Variants in ELAPOR2 observed in about 807,000 individuals in gnomAD.
ELAPOR2 encodes endosome-lysosome associated apoptosis and autophagy regulator family member 2, also known as endosome/lysosome-associated apoptosis and autophagy regulator family member 2.
ELAPOR2 carries 89 observed loss-of-function variants against 120.7 expected under a neutral mutation model. The ratio of observed to expected loss-of-function variants is 0.74; its 90% CI spans 0.62 to 0.88. The LOEUF (loss-of-function observed/expected upper bound fraction) is 0.88, where lower values mean the gene tolerates loss of function less well. Ranked by LOEUF, ELAPOR2 falls within the 40% of genes least tolerant of loss-of-function variation. The pLI is 0.00. For synonymous variants in ELAPOR2, 444 were observed against 444.9 expected (o/e 1.00, Z 0.03); for missense variants, 1,134 against 1,251.6 (o/e 0.91, Z 1.42).
chr7:87,035,047 C>G (rs1449595331), intron 1 of ELAPOR2, among the ~76,000 whole-genome samples: 1 of 149,520 alleles, frequency 6.7e-6, no homozygotes, highest in Admixed American at 6.7e-5. Flanking sequence ...GATAGCACCA[C>G]TACACTCCAG....
chr7:86,885,478 C>T lies in ELAPOR2; in HGVS notation c.3031-4948G>A, dbSNP rs535372231. ...AACATCTTGTCTACTGTCAAAGATT[C>T]TCTCTCTCTTCAGTCTTAATGCCTC... On this transcript the variant is annotated intron_variant, in intron 21 of 21. Coordinates refer to ENST00000450689, the MANE Select transcript of ELAPOR2 (RefSeq NM_001142749.3). Among the ~76,000 whole-genome samples the T allele has an allele frequency of 2.0e-5, 3 of 152,216 alleles. No homozygotes were observed. In the South Asian group the frequency reaches 6.2e-4, roughly 32 times the overall value.
chr7:86,961,337 G>A (rs1427824848), intron 2 of ELAPOR2, among the ~76,000 whole-genome samples: 1 of 152,190 alleles, frequency 6.6e-6, no homozygotes, highest in Non-Finnish European at 1.5e-5. Flanking sequence ...GGTTGTACCT[G>A]AAGTTATGGA....
rs1340860871 is a variant in ELAPOR2, at chr7:87,034,076, AC to A, written c.189+25248del. ...ATGTCATATTTTTAAATGCCAAAAA[AC>A]ATTACCAAACTATATGTACATAATA... On this transcript the variant is annotated intron_variant, in intron 1 of 21. Coordinates refer to ENST00000450689, the MANE Select transcript of ELAPOR2 (RefSeq NM_001142749.3). Among the ~76,000 whole-genome samples the A allele has an allele frequency of 2.6e-5, 4 of 152,314 alleles. No individual in the cohort carries two copies. In the East Asian group the frequency reaches 7.7e-4, roughly 29 times the overall value.
intron 1 of ELAPOR2, among the ~76,000 whole-genome samples, chr7:87,030,875 G>A (rs968233863): frequency 2.0e-5 from 3 of 152,176 alleles, no homozygotes; most frequent in Admixed American, 6.6e-5. Flanking sequence ...TAAAGAAAAA[G>A]AGGTTTAATG....
intron 1 of ELAPOR2, among the ~76,000 whole-genome samples, chr7:87,032,783 T>G (rs1235687885): frequency 1.3e-5 from 2 of 152,126 alleles, no homozygotes; most frequent in Non-Finnish European, 2.9e-5. Flanking sequence ...AGGAAGTTTC[T>G]CAGACAACAG....
At chr7:86,880,575 G>C (rs201634839) in intron 21 of ELAPOR2, 45 bp from the exon 22 acceptor site, 1 of 1,273,716 alleles carries the variant, frequency 7.9e-7, no homozygotes, top group Non-Finnish European at 1.1e-6. Flanking sequence ...TGAAATTCTC[G>C]TAAGATTTTA....
chr7:86,912,297 T>C (rs772660047), intron 14 of ELAPOR2, 52 bp from the exon 15 acceptor site: 2 of 1,234,934 alleles, frequency 1.6e-6, no homozygotes, highest in East Asian at 2.4e-5. Flanking sequence ...TATTAGCTGC[T>C]ACTAAAATGT....
chr7:87,059,505 G>T lies in ELAPOR2; in HGVS notation c.9C>A (p.Phe3Leu). ML[F>L]RARGPVRGRG... ...TGCCCCGTACCGGCCCCCGGGCGCG[G>T]AACAGCATCTTCGTCCGGCCGCGGT... The change falls in exon 1 of 22, where the codon TTC (phenylalanine) becomes TTA (leucine). Residue 3 changes from phenylalanine to leucine, a missense_variant. Coordinates refer to ENST00000450689, the MANE Select transcript of ELAPOR2 (RefSeq NM_001142749.3). The T allele has an allele frequency of 1.7e-6, 2 of 1,200,612 alleles. No homozygotes were observed. Among genetic ancestry groups the T allele is most frequent in the South Asian group, 4.2e-5 (1 of 24,066 alleles). The allele number at this position is 1,200,612 out of a possible 1,614,324, so 74.4% of individuals were successfully genotyped here. A position where few individuals can be genotyped will look rare whatever the true frequency, so the allele number is the denominator to read the frequency against.
At chr7:86,936,041 C>A (rs1790548039) in intron 8 of ELAPOR2, among the ~76,000 whole-genome samples, 1 of 151,956 alleles carries the variant, frequency 6.6e-6, no homozygotes, top group African/African-American at 2.4e-5. Context: ...GCCTCAATAG[C>A]TGATTTCCTT....
chr7:86,907,631 T>A, intron 18 of ELAPOR2, 39 bp downstream of exon 18: 1 of 1,283,622 alleles, frequency 7.8e-7, no homozygotes, highest in Non-Finnish European at 1.1e-6. Flanking sequence ...GAGTTTTTCT[T>A]CCTCATGGTA....
chr7:86,956,974 G>C (rs1314571241), intron 2 of ELAPOR2, among the ~76,000 whole-genome samples: 2 of 152,138 alleles, frequency 1.3e-5, no homozygotes, highest in African/African-American at 4.8e-5. Context: ...TCTACTTCTT[G>C]ATAGTCTCTG....
At chr7:86,946,191 G>A (rs890155584) in intron 3 of ELAPOR2, among the ~76,000 whole-genome samples, 4 of 111,820 alleles carry the variant, frequency 3.6e-5, no homozygotes, top group Admixed American at 8.1e-5. Flanking sequence ...ACACACACAC[G>A]TGTGCATACA....
At chr7:87,048,886 T>C (rs548591338) in intron 1 of ELAPOR2, among the ~76,000 whole-genome samples, 29 of 152,368 alleles carry the variant, frequency 1.9e-4, no homozygotes, top group African/African-American at 6.7e-4. Flanking sequence ...GTTTATGTCC[T>C]TCAATCTAAC....
At chr7:86,939,506 AATACTCCTAATTGAG>A (rs1242265550) in intron 6 of ELAPOR2, among the ~76,000 whole-genome samples, 1 of 152,092 alleles carries the variant, frequency 6.6e-6, no homozygotes, top group Admixed American at 6.6e-5. Flanking sequence ...TTTAATGAAA[AATACTCCTAATTGAG>A]AATGAACCAT....
chr7:86,996,389 G>A (rs965796565), intron 1 of ELAPOR2, among the ~76,000 whole-genome samples: 2 of 152,228 alleles, frequency 1.3e-5, no homozygotes, highest in Admixed American at 6.5e-5. Context: ...GAGCATTCCC[G>A]GCAGAGGGGG....
chr7:86,988,727 CCT>C (rs1792842428), intron 1 of ELAPOR2, among the ~76,000 whole-genome samples: 1 of 152,186 alleles, frequency 6.6e-6, no homozygotes, highest in South Asian at 2.1e-4. Context: ...GATATGTTTA[CCT>C]TGAGTGTGCC....
chr7:86,946,216 G>A (rs1477487846), intron 3 of ELAPOR2, among the ~76,000 whole-genome samples: 2 of 148,724 alleles, frequency 1.3e-5, no homozygotes, highest in Admixed American at 6.7e-5. Flanking sequence ...AAAGCCTAGG[G>A]CTAGAACAAA....
chr7:86,946,159 TCACACACA>T (rs3223108), intron 3 of ELAPOR2, among the ~76,000 whole-genome samples: 25 of 146,288 alleles, frequency 1.7e-4, no homozygotes, highest in Admixed American at 5.5e-4. Context: ...ATACCATTTC[TCACACACA>T]CACACACACA....
chr7:86,924,190 C>T (rs1789954032), intron 10 of ELAPOR2, among the ~76,000 whole-genome samples: 1 of 152,050 alleles, frequency 6.6e-6, no homozygotes, highest in South Asian at 2.1e-4. Context: ...CACACTAATA[C>T]TGCAGAGATT....
Sources: allele counts gnomAD v4.1 joint callset (sites outside exome capture counted in the v4.1 genomes callset), GRCh38; gene constraint gnomAD v4.1.1; transcripts MANE v1.5; gene names NCBI Gene and HGNC (gene_info 2026-07-23, HGNC 2026-07-21).